Variants in NR3C2 observed in about 807,000 individuals in gnomAD.
NR3C2 encodes nuclear receptor subfamily 3 group C member 2.
In NR3C2, 15 loss-of-function variants were observed where a neutral mutation model predicts 86.4. The ratio of observed to expected loss-of-function variants is 0.17; its 90% CI spans 0.12 to 0.27. The LOEUF (loss-of-function observed/expected upper bound fraction) is 0.27, where lower values mean the gene tolerates loss of function less well. Among genes scored for constraint, NR3C2 ranks in the 10% least tolerant of loss-of-function variants. The probability of loss-of-function intolerance (pLI) is 1.00; values close to 1 mark genes in which losing one functional copy is unlikely to be tolerated. For synonymous variants in NR3C2, 458 were observed against 450.5 expected, an observed-to-expected ratio of 1.02 and a Z score of -0.21; for missense variants, 960 against 1,195.6, an observed-to-expected ratio of 0.80 and a Z score of 2.91.
chr4:148,194,904 C>T, intron 3 of NR3C2, 42 bp from the exon 4 acceptor site: 1 of 1,349,014 alleles, frequency 7.4e-7, no homozygotes, highest in Non-Finnish European at 1.1e-6. Flanking sequence ...ATAGAGTACA[C>T]TAGTACAAAA....
At chr4:148,310,243 C>T (rs553037928) in intron 2 of NR3C2, among the ~76,000 whole-genome samples, 15 of 152,280 alleles carry the variant, frequency 9.9e-5, no homozygotes, top group African/African-American at 3.6e-4. Context: ...ACCTGGTGCT[C>T]ATTTCATCAT....
At chr4:148,315,322 T>C (rs1743115005) in intron 2 of NR3C2, among the ~76,000 whole-genome samples, 2 of 152,302 alleles carry the variant, frequency 1.3e-5, no homozygotes, top group East Asian at 3.9e-4. Flanking sequence ...TCATGCAAAA[T>C]GATCTGTGGC....
intron 8 of NR3C2, among the ~76,000 whole-genome samples, chr4:148,112,015 A>C (rs112496609): frequency 0.027 from 4,178 of 152,248 alleles, 186 homozygotes; most frequent in African/African-American, 0.094. Context: ...ACCCCCACAG[A>C]CACTAATTTA....
At chr4:148,387,956 CAGA>C in intron 2 of NR3C2, among the ~76,000 whole-genome samples, 1 of 152,296 alleles carries the variant, frequency 6.6e-6, no homozygotes, top group South Asian at 2.1e-4. Context: ...GAAACCTGGT[CAGA>C]ATATGAACAC....
chr4:148,208,173 G>T (rs1737100989), intron 3 of NR3C2: 1 of 152,282 alleles, frequency 6.6e-6, no homozygotes, highest in Non-Finnish European at 1.5e-5. Context: ...TGCAATGGCA[G>T]AGCACTGTTC....
At chr4:148,094,004 T>A (rs1184054882) in intron 8 of NR3C2, among the ~76,000 whole-genome samples, 1 of 151,834 alleles carries the variant, frequency 6.6e-6, no homozygotes, top group Non-Finnish European at 1.5e-5. Flanking sequence ...CAAACCAAAC[T>A]GAATAAAAAA....
In NR3C2 at chr4:148,436,074, T is replaced by C. The variant is rs754143223; in HGVS notation, c.787A>G (p.Ser263Gly). The C allele has an allele frequency of 6.2e-7, 1 of 1,614,098 alleles. No individual in the cohort carries two copies. The highest frequency in any genetic ancestry group is 1.1e-5 in the South Asian group (1 of 91,072). Residue 263 changes from serine (S) to glycine (G), a missense_variant, in exon 2 of 9, where the codon AGT becomes GGT. By Grantham distance (56) the Ser-to-Gly change is moderately conservative (BLOSUM62 0). Coordinates refer to ENST00000358102, the MANE Select transcript of NR3C2 (RefSeq NM_000901.5). Reference sequence around the variant, plus strand: ...GAGGATTTCATGCTACTTAACGGACTTGAGAGAGGAGAGCCCACATTGCTA... The same window carrying C: ...GAGGATTTCATGCTACTTAACGGACCTGAGAGAGGAGAGCCCACATTGCTA... Reference protein sequence around the residue: ...HASNVGSPLSSPLSSMKSSIS... With the variant: ...HASNVGSPLSGPLSSMKSSIS...
At chr4:148,275,259 G>C (rs1344676811) in intron 2 of NR3C2, among the ~76,000 whole-genome samples, 2 of 152,136 alleles carry the variant, frequency 1.3e-5, no homozygotes, top group African/African-American at 2.4e-5. Flanking sequence ...AAATAGATTT[G>C]TTAGGGTGGA....
chr4:148,369,113 G>A (rs2126369454), intron 2 of NR3C2, among the ~76,000 whole-genome samples: 1 of 152,300 alleles, frequency 6.6e-6, no homozygotes, highest in African/African-American at 2.4e-5. Flanking sequence ...GGTCACACTT[G>A]GCAACTACCT....
chr4:148,123,687 T>C (rs920922512), intron 6 of NR3C2, among the ~76,000 whole-genome samples: 5 of 152,382 alleles, frequency 3.3e-5, no homozygotes, highest in South Asian at 4.1e-4. Context: ...AGAACCTACA[T>C]TGAAATACTG....
At chr4:148,150,589 A>AGCTGAAACAAGAT (rs1362234941) in intron 6 of NR3C2, among the ~76,000 whole-genome samples, 1 of 152,234 alleles carries the variant, frequency 6.6e-6, no homozygotes, top group Non-Finnish European at 1.5e-5. Flanking sequence ...AAAGGATGAC[A>AGCTGAAACAAGAT]GTTTATAGCA....
chr4:148,255,603 T>C (rs1035339062), intron 3 of NR3C2, among the ~76,000 whole-genome samples: 1 of 152,212 alleles, frequency 6.6e-6, no homozygotes, highest in African/African-American at 2.4e-5. Context: ...TACATAATAA[T>C]GAGCTCTCTT....
At chr4:148,346,819 T>C (rs991237172) in intron 2 of NR3C2, among the ~76,000 whole-genome samples, 3 of 74,600 alleles carry the variant, frequency 4.0e-5, no homozygotes, top group African/African-American at 2.0e-4. Flanking sequence ...TACAATTACA[T>C]GTCAAGTTGC....
At chr4:148,251,119 GTTGTTGTTA>G (rs921067584) in intron 3 of NR3C2, among the ~76,000 whole-genome samples, 167 of 151,896 alleles carry the variant, frequency 1.1e-3, no homozygotes, top group African/African-American at 3.6e-3. Flanking sequence ...CTAATTTTTT[GTTGTTGTTA>G]TTGTTCTTTT....
chr4:148,092,044 G>A (rs1731084240), intron 8 of NR3C2, among the ~76,000 whole-genome samples: 1 of 152,180 alleles, frequency 6.6e-6, no homozygotes, highest in African/African-American at 2.4e-5. Flanking sequence ...CAGAATGACT[G>A]TGGGCACAGC....
Position 148,108,132 on chromosome 4 carries a change from A to G in NR3C2, c.2799+5972T>C, listed in dbSNP as rs568337694. Reference sequence around the variant, plus strand: ...TTTGTTTTTTTTATTTGAGACAGGTATTGCTCTGTCATCCAGGCTGGAGTG... The same window carrying G: ...TTTGTTTTTTTTATTTGAGACAGGTGTTGCTCTGTCATCCAGGCTGGAGTG... On this transcript the variant is annotated intron_variant, in intron 8 of 8. Coordinates refer to ENST00000358102, the MANE Select transcript of NR3C2 (RefSeq NM_000901.5). Among the ~76,000 whole-genome samples, 9 of 152,160 alleles carry G rather than the reference A, an allele frequency of 5.9e-5. 1 individual carries two copies. The South Asian group carries it at 1.9e-3, about 32-fold the overall frequency.
intron 2 of NR3C2, among the ~76,000 whole-genome samples, chr4:148,425,952 G>T (rs1157415516): frequency 6.6e-6 from 1 of 152,032 alleles, no homozygotes; most frequent in Non-Finnish European, 1.5e-5. Context: ...TAACTCTGAG[G>T]CTGACTGCAG....
chr4:148,250,718 C>CTTCATCCA (rs1161516004), intron 3 of NR3C2, among the ~76,000 whole-genome samples: 1 of 152,198 alleles, frequency 6.6e-6, no homozygotes, highest in Non-Finnish European at 1.5e-5. Context: ...ATCCAGACTG[C>CTTCATCCA]TTCATCCATT....
chr4:148,309,503 C>A, intron 2 of NR3C2, among the ~76,000 whole-genome samples: 1 of 150,720 alleles, frequency 6.6e-6, no homozygotes. Context: ...CCCTAAAAAA[C>A]CCACAATCTA....
Sources: allele counts gnomAD v4.1 joint callset (sites outside exome capture counted in the v4.1 genomes callset), GRCh38; gene constraint gnomAD v4.1.1; transcripts MANE v1.5; gene names NCBI Gene and HGNC (gene_info 2026-07-23, HGNC 2026-07-21).